GAS7: variants seen among roughly 807,000 people sequenced by gnomAD.
The protein encoded by GAS7 is growth arrest-specific protein 7.
Under a neutral mutation model 71.1 loss-of-function variants are expected in GAS7, and 28 were observed. The ratio of observed to expected loss-of-function variants is 0.39; its 90% CI spans 0.29 to 0.54. The LOEUF (loss-of-function observed/expected upper bound fraction) is 0.54. GAS7 is among the 20% of genes least tolerant of loss of function. The probability of loss-of-function intolerance (pLI) is 0.62; values close to 1 mark genes in which losing one functional copy is unlikely to be tolerated. For missense variants in GAS7, 436 were observed against 627.8 expected (o/e 0.69, Z 3.27); for synonymous variants, 258 against 245.8 (o/e 1.05, Z -0.46).
At chr17:10,001,235 T>C (rs148676154) in intron 2 of GAS7, among the ~76,000 whole-genome samples, 1 of 152,284 alleles carries the variant, frequency 6.6e-6, no homozygotes, top group African/African-American at 2.4e-5. Context: ...GCAAGAGGGT[T>C]ATGCTAGGGA....
At chr17:9,930,458 T>C (rs977313610) in intron 9 of GAS7, among the ~76,000 whole-genome samples, 1 of 152,186 alleles carries the variant, frequency 6.6e-6, no homozygotes, top group African/African-American at 2.4e-5. Context: ...GTCCCCTAAA[T>C]CTTCTGATGG....
chr17:10,063,778 T>TA (rs2073245909), intron 1 of GAS7, among the ~76,000 whole-genome samples: 1 of 152,214 alleles, frequency 6.6e-6, no homozygotes, highest in African/African-American at 2.4e-5. Context: ...CACCGTCTAG[T>TA]ATGGCTCCAC....
Position 9,943,203 on chromosome 17 carries a change from C to G in GAS7, c.649G>C (p.Val217Leu), listed in dbSNP as rs150413928. 4 of 1,612,806 alleles carry G rather than the reference C, an allele frequency of 2.5e-6. No individual in the cohort carries two copies. Among genetic ancestry groups the G allele is most frequent in the East Asian group, 2.2e-5 (1 of 44,870 alleles). The change falls in exon 7 of 14, where the codon GTG becomes CTG. Residue 217 changes from valine to leucine, a missense_variant. By Grantham distance (32) the Val-to-Leu change is conservative (BLOSUM62 1). Coordinates refer to ENST00000432992, the MANE Select transcript of GAS7 (RefSeq NM_201433.2). ...DKKDPQGNGT[V>L]AGFELLLQKQ... ...TGGAGCAGTAGTTCAAACCCAGCCACGGTGCCGTTGCCTTGGGGGTCCTTC... is the reference window on the plus strand; with the variant it reads ...TGGAGCAGTAGTTCAAACCCAGCCAGGGTGCCGTTGCCTTGGGGGTCCTTC...
Position 9,969,546 on chromosome 17 carries a change from C to T in GAS7, c.471+131G>A, listed in dbSNP as rs2069867619. The T allele has an allele frequency of 7.8e-6, 5 of 638,532 alleles. No individual in the cohort carries two copies. Among genetic ancestry groups the T allele is most frequent in the Non-Finnish European group, 2.9e-6 (1 of 348,024 alleles). 39.6% of individuals were successfully genotyped at this position (638,532 alleles called of 1,614,324 possible). On this transcript the variant is annotated intron_variant, in intron 4 of 13. Coordinates refer to ENST00000432992, the MANE Select transcript of GAS7 (RefSeq NM_201433.2). The surrounding 1 kb of genome is among the most constrained non-coding windows in gnomAD (Gnocchi z 5.5). ...AGGGAACACTGAAACAACCCAGACACAGCAACCACTTTCTACCTGGGGGCA... is the reference window on the plus strand; with the variant it reads ...AGGGAACACTGAAACAACCCAGACATAGCAACCACTTTCTACCTGGGGGCA...
intron 5 of GAS7, among the ~76,000 whole-genome samples, chr17:9,956,068 T>C (rs2069222569): frequency 6.6e-6 from 1 of 152,150 alleles, no homozygotes; most frequent in African/African-American, 2.4e-5. Flanking sequence ...TGAACACACG[T>C]GTGACCAAGG....
chr17:10,060,159 TC>T (rs930744172), intron 1 of GAS7, among the ~76,000 whole-genome samples: 28 of 152,162 alleles, frequency 1.8e-4, no homozygotes, highest in Admixed American at 1.8e-3. Context: ...AAAACTCTAC[TC>T]CTTAAAGCGC....
chr17:9,998,801 C>T (rs1233081236), intron 2 of GAS7, among the ~76,000 whole-genome samples: 2 of 151,600 alleles, frequency 1.3e-5, no homozygotes, highest in African/African-American at 4.9e-5. Flanking sequence ...CTTACGCCTG[C>T]ATTCCTGTGA....
chr17:9,911,458 C>T lies in GAS7; in HGVS notation c.*5770G>A, dbSNP rs759138282. Reference sequence around the variant, plus strand: ...CCAAGGAACAGTCCTGAACACCACACGCAATCTCCAAAGGCCATCGCCCCA... The same window carrying T: ...CCAAGGAACAGTCCTGAACACCACATGCAATCTCCAAAGGCCATCGCCCCA... On this transcript the variant is annotated 3_prime_UTR_variant, in exon 14 of 14. Transcript: ENST00000432992. This position sits in a 1 kb window ranked among gnomAD's most constrained non-coding sequence, Gnocchi z 4.0. 6.9e-5 allele frequency: 16 copies of T among 233,302 alleles called. No individual in the cohort carries two copies. Among genetic ancestry groups the T allele is most frequent in the Non-Finnish European group, 1.2e-4 (14 of 118,124 alleles). 14.5% of individuals were successfully genotyped at this position (233,302 alleles called of 1,614,324 possible). A position where few individuals can be genotyped will look rare whatever the true frequency, so the allele number is the denominator to read the frequency against.
At chr17:10,074,965 T>C (rs1356082077) in intron 1 of GAS7, among the ~76,000 whole-genome samples, 1 of 137,964 alleles carries the variant, frequency 7.2e-6, no homozygotes, top group Non-Finnish European at 1.6e-5. Context: ...AAAAAAAAAA[T>C]AGGATAATCT....
rs757008055 is a variant in GAS7 at position 9,974,903 on chromosome 17, G to A, written c.386-5141C>T. 9.2e-5 allele frequency among the ~76,000 whole-genome samples: 14 copies of A among 152,158 alleles called. No homozygotes were observed. Among genetic ancestry groups the A allele is most frequent in the Non-Finnish European group, 1.2e-4 (8 of 68,028 alleles). ...GTACCGATCCCTGAGGGAAAAAGTC[G>A]CATCCTCAGAGCCCTACTCTCCAGG... On this transcript the variant is annotated intron_variant, in intron 3 of 13. Coordinates refer to ENST00000432992, the MANE Select transcript of GAS7 (RefSeq NM_201433.2). The surrounding 1 kb of genome is among the most constrained non-coding windows in gnomAD (Gnocchi z 4.0).
At chr17:10,003,027 T>G (rs72807383) in intron 2 of GAS7, among the ~76,000 whole-genome samples, 2 of 152,362 alleles carry the variant, frequency 1.3e-5, no homozygotes, top group Non-Finnish European at 2.9e-5. Context: ...GCAAAGATCT[T>G]ATTTCCAAAT....
intron 1 of GAS7, chr17:10,039,935 T>A (rs1196767768): frequency 1.2e-5 from 4 of 323,392 alleles, no homozygotes; most frequent in South Asian, 7.0e-5. Context: ...TTCTCTTACA[T>A]GCCTGACAGC....
rs2067500180 is a variant in GAS7, at chr17:9,913,656, G to A, written c.*3572C>T. ...CTTGGCCAACAGGGTGCTGAGTGGA[G>A]GTAGAAAGGAGGCCCAGGGTGGTCC... On this transcript the variant is annotated 3_prime_UTR_variant, in exon 14 of 14. Coordinates refer to ENST00000432992, the MANE Select transcript of GAS7 (RefSeq NM_201433.2). 1 of 230,868 alleles carries A rather than the reference G, an allele frequency of 4.3e-6. No individual in the cohort carries two copies. Among genetic ancestry groups the A allele is most frequent in the Non-Finnish European group, 8.6e-6 (1 of 116,642 alleles). 14.3% of individuals were successfully genotyped at this position (230,868 alleles called of 1,614,324 possible).
At chr17:10,181,078 C>T (rs1478393691) in intron 1 of GAS7, among the ~76,000 whole-genome samples, 18 of 28,014 alleles carry the variant, frequency 6.4e-4, no homozygotes, top group Middle Eastern at 0.016. Context: ...GCGGGGGTGG[C>T]GGTGGGGGCA....
intron 1 of GAS7, among the ~76,000 whole-genome samples, chr17:10,074,856 G>A (rs2073374979): frequency 6.6e-6 from 1 of 151,878 alleles, no homozygotes; most frequent in African/African-American, 2.4e-5. Context: ...TAGAGAATAG[G>A]TGTAAAAATT....
chr17:10,198,544 CG>C lies in GAS7; in HGVS notation c.-155del. 2 of 420,178 alleles carry C rather than the reference CG, an allele frequency of 4.8e-6. No homozygotes were observed. Among genetic ancestry groups the C allele is most frequent in the Non-Finnish European group, 8.1e-6 (2 of 248,428 alleles). 26.0% of individuals were successfully genotyped at this position (420,178 alleles called of 1,614,324 possible). A position where few individuals can be genotyped will look rare whatever the true frequency, so the allele number is the denominator to read the frequency against. On this transcript the variant is annotated 5_prime_UTR_variant, in exon 1 of 14. Transcript: ENST00000432992. ...GGGTGCGCGGGGGTCCTCAGGCAGG[CG>C]GGGGACGCGCGCTCCGCGCCGGGAA... is the stretch of plus-strand genomic sequence containing the variant.
chr17:10,103,669 T>C lies in GAS7; in HGVS notation c.184-83772A>G, dbSNP rs544626384. Among the ~76,000 whole-genome samples the C allele has an allele frequency of 1.3e-5, 2 of 151,874 alleles. No homozygotes were observed. The highest frequency in any genetic ancestry group is 2.1e-4 in the South Asian group (1 of 4,802). On this transcript the variant is annotated intron_variant, in intron 1 of 13. Coordinates refer to ENST00000432992, the MANE Select transcript of GAS7 (RefSeq NM_201433.2). This position sits in a 1 kb window ranked among gnomAD's most constrained non-coding sequence, Gnocchi z 5.5. ...GGAGAAACCCCGTCTCTACCAAAAA[T>C]ACAAAAATTAGCTGGGTGTGGTGGC... is the stretch of plus-strand genomic sequence containing the variant.
In GAS7 at chr17:9,914,348, T is replaced by C. The variant is rs1277306869; in HGVS notation, c.*2880A>G. 5.5e-6 allele frequency: 1 copy of C among 183,006 alleles called. No individual in the cohort carries two copies. Among genetic ancestry groups the C allele is most frequent in the Non-Finnish European group, 1.2e-5 (1 of 86,078 alleles). 11.3% of individuals were successfully genotyped at this position (183,006 alleles called of 1,614,324 possible). ...TTCAAGCGATTCTACTGCCTCAGCC[T>C]GCCGAATAGTTGGGACTACAGGTGT... On this transcript the variant is annotated 3_prime_UTR_variant, in exon 14 of 14. Transcript: ENST00000432992.
chr17:10,132,011 G>A (rs1227944532), intron 1 of GAS7, among the ~76,000 whole-genome samples: 2 of 152,148 alleles, frequency 1.3e-5, no homozygotes. Context: ...GTTAATGCAT[G>A]AAAACGTACT....
Sources: gnomAD v4.1 joint callset for allele counts (sites outside exome capture counted in the v4.1 genomes callset) on GRCh38, gnomAD v4.1.1 for gene constraint, Gnocchi (gnomAD v3.1) non-coding constraint, MANE v1.5 for transcripts, NCBI Gene and HGNC (gene_info 2026-07-23, HGNC 2026-07-21) for gene names.